Variants in NTMT1 observed in about 807,000 individuals in gnomAD.
NTMT1 encodes the protein N-terminal RCC1 methyltransferase.
Under a neutral mutation model 17.5 loss-of-function variants are expected in NTMT1, and 8 were observed. That is an observed-to-expected ratio of 0.46 (90% confidence interval 0.27 to 0.82). NTMT1 has a LOEUF of 0.82. NTMT1 is among the 40% of genes least tolerant of loss of function. NTMT1 has a pLI of 0.15. For missense variants in NTMT1, 221 were observed against 303.5 expected (o/e 0.73, Z 2.02); for synonymous variants, 128 against 126.8 (o/e 1.01, Z -0.06).
intron 1 of NTMT1, among the ~76,000 whole-genome samples, chr9:129,627,882 A>C (rs1421777505): frequency 1.3e-5 from 2 of 152,202 alleles, no homozygotes; most frequent in Non-Finnish European, 2.9e-5. Context: ...TGACTGCAAA[A>C]GTCTGCCGGT....
rs1831278260 is a variant in NTMT1, at chr9:129,633,202, A to G, written c.162+337A>G. On this transcript the variant is annotated intron_variant, in intron 2 of 3. Transcript: ENST00000372483. ...GGTGTTTGGACTGAGGGTGTTGGCT[A>G]TTCTGGACGAAGACTCCTAGTTATG... The G allele has an allele frequency of 7.2e-6, 3 of 416,094 alleles. No individual in the cohort carries two copies. The Admixed American group carries it at 1.3e-4, about 17-fold the overall frequency. 25.8% of individuals were successfully genotyped at this position (416,094 alleles called of 1,614,324 possible).
intron 1 of NTMT1, among the ~76,000 whole-genome samples, chr9:129,630,690 G>A (rs1831117064): frequency 6.6e-6 from 1 of 152,316 alleles, no homozygotes; most frequent in African/African-American, 2.4e-5. Flanking sequence ...TTGGACCTAC[G>A]ATTTGTCAAC....
At chr9:129,619,616 T>A in intron 1 of NTMT1, 1 of 1,614,066 alleles carries the variant, frequency 6.2e-7, no homozygotes, top group Non-Finnish European at 8.5e-7. Flanking sequence ...AAGACTATCC[T>A]GGAGGTGCGA....
chr9:129,620,495 C>A lies in NTMT1; in HGVS notation c.-55+11317C>A. The A allele has an allele frequency of 1.4e-6, 2 of 1,416,100 alleles. No homozygotes were observed. Among genetic ancestry groups the A allele is most frequent in the Non-Finnish European group, 1.8e-6 (2 of 1,082,142 alleles). The allele number at this position is 1,416,100 out of a possible 1,614,324, so 87.7% of individuals were successfully genotyped here. A position where few individuals can be genotyped will look rare whatever the true frequency, so the allele number is the denominator to read the frequency against. The stretch of plus-strand genomic sequence containing the variant: ...CAGCTTGGGCAGCCGCGGGTCGCTG[C>A]TGCGTCGGAAGTCTCCGTCGCCAGG... On this transcript the variant is annotated intron_variant, in intron 1 of 3. Coordinates refer to the NTMT1 transcript ENST00000372486. The surrounding 1 kb of genome is among the most constrained non-coding windows in gnomAD (Gnocchi z 5.8).
In NTMT1 at chr9:129,626,260, ATCT is replaced by A. The variant is rs1278644166; in HGVS notation, c.-83_-81del. The A allele has an allele frequency of 6.6e-6, 1 of 151,832 alleles. No individual in the cohort carries two copies. The highest frequency in any genetic ancestry group is 1.5e-5 in the Non-Finnish European group (1 of 67,982). 9.4% of individuals were successfully genotyped at this position (151,832 alleles called of 1,614,324 possible). The stretch of plus-strand genomic sequence containing the variant: ...CCGCCGCCCTCCCTTCCTCTTCCCC[ATCT>A]TCTTCTCTCGGTCCCGGGAGCCCCC... On this transcript the variant is annotated 5_prime_UTR_variant, in exon 1 of 4. Transcript: ENST00000372483.
chr9:129,618,869 T>TG (rs896061034), intron 1 of NTMT1, among the ~76,000 whole-genome samples: 1 of 8,084 alleles, frequency 1.2e-4, no homozygotes, highest in African/African-American at 6.2e-4. Context: ...ATTTTTTGTG[T>TG]TTTTTTTTTT....
chr9:129,620,623 G>T lies in NTMT1; in HGVS notation c.-55+11445G>T. 7.7e-7 allele frequency: 1 copy of T among 1,291,372 alleles called. No individual in the cohort carries two copies. The highest frequency in any genetic ancestry group is 9.8e-7 in the Non-Finnish European group (1 of 1,019,308). The allele number at this position is 1,291,372 out of a possible 1,614,324, so 80.0% of individuals were successfully genotyped here. On this transcript the variant is annotated intron_variant, in intron 1 of 3. Transcript: ENST00000372486. This position sits in a 1 kb window ranked among gnomAD's most constrained non-coding sequence, Gnocchi z 5.8. ...CGCACCCTCAGCGCGCGTGGGTGGGGGGCGCCGGCTGAGGTGGGGAGGGCA... is the reference window on the plus strand; with the variant it reads ...CGCACCCTCAGCGCGCGTGGGTGGGTGGCGCCGGCTGAGGTGGGGAGGGCA...
chr9:129,628,136 G>C (rs374636658), intron 1 of NTMT1, among the ~76,000 whole-genome samples: 1 of 152,190 alleles, frequency 6.6e-6, no homozygotes, highest in Non-Finnish European at 1.5e-5. Context: ...AGCCACATAC[G>C]GCATCTGTGC....
chr9:129,635,574 A>T lies in NTMT1; in HGVS notation c.*110A>T. 1 of 1,290,180 alleles carries T rather than the reference A, an allele frequency of 7.8e-7. No homozygotes were observed. Among genetic ancestry groups the T allele is most frequent in the Non-Finnish European group, 1.1e-6 (1 of 934,538 alleles). 79.9% of individuals were successfully genotyped at this position (1,290,180 alleles called of 1,614,324 possible). The stretch of plus-strand genomic sequence containing the variant: ...GGTTCGTGAGTGTCGAGGCACCACT[A>T]AATATAGCTGTCTGCCGTCCACTCA... On this transcript the variant is annotated 3_prime_UTR_variant, in exon 4 of 4. Transcript: ENST00000372483.
intron 1 of NTMT1, among the ~76,000 whole-genome samples, chr9:129,631,668 GAC>G (rs1393036230): frequency 5.3e-5 from 8 of 152,218 alleles, no homozygotes; most frequent in Non-Finnish European, 1.0e-4. Flanking sequence ...TTGACTGTGA[GAC>G]CAGGAACTGG....
intron 1 of NTMT1, among the ~76,000 whole-genome samples, chr9:129,632,160 G>C (rs1208736107): frequency 9.2e-5 from 14 of 151,726 alleles, no homozygotes; most frequent in Admixed American, 9.2e-4. Flanking sequence ...TCAAGAACTT[G>C]AAGCCAGGCC....
chr9:129,635,247 G>A lies in NTMT1; in HGVS notation c.455G>A (p.Arg152His), dbSNP rs1394370087. Residue 152 changes from arginine (R) to histidine (H), a missense_variant, in exon 4 of 4, where the codon CGC becomes CAC. By Grantham distance (29) the Arg-to-His change is conservative. Coordinates refer to ENST00000372483, the MANE Select transcript of NTMT1 (RefSeq NM_014064.4). ...CAGCACCTGGCCGAGTTCCTGCGGCGCTGCAAGGGCAGCCTCCGCCCCAAC... is the reference window on the plus strand; with the variant it reads ...CAGCACCTGGCCGAGTTCCTGCGGCACTGCAAGGGCAGCCTCCGCCCCAAC... ...TDQHLAEFLRRCKGSLRPNGI... is the reference protein window; with the variant it reads ...TDQHLAEFLRHCKGSLRPNGI... The A allele has an allele frequency of 3.1e-6, 5 of 1,612,650 alleles. No individual in the cohort carries two copies. Among genetic ancestry groups the A allele is most frequent in the East Asian group, 2.2e-5 (1 of 44,880 alleles).
At chr9:129,624,658 T>C (rs1309903858), upstream of NTMT1, among the ~76,000 whole-genome samples, 1 of 152,192 alleles carries the variant, frequency 6.6e-6, no homozygotes, top group African/African-American at 2.4e-5. Context: ...AGACAGAGTT[T>C]CGTTCTTGTC....
chr9:129,630,402 C>G (rs1329960729), intron 1 of NTMT1, among the ~76,000 whole-genome samples: 1 of 152,094 alleles, frequency 6.6e-6, no homozygotes, highest in Non-Finnish European at 1.5e-5. Context: ...GAGCTGTACT[C>G]AAGTCTGGCG....
At chr9:129,616,207 G>T (rs1460046991) in intron 1 of NTMT1, among the ~76,000 whole-genome samples, 1 of 152,110 alleles carries the variant, frequency 6.6e-6, no homozygotes, top group Non-Finnish European at 1.5e-5. Flanking sequence ...CTAACAGGGA[G>T]CTGTTTTTTG....
At chr9:129,630,216 TA>T (rs951380419) in intron 1 of NTMT1, among the ~76,000 whole-genome samples, 18 of 152,184 alleles carry the variant, frequency 1.2e-4, no homozygotes, top group Admixed American at 5.2e-4. Context: ...TTTCTGCCTG[TA>T]ATCCCAACAC....
At chr9:129,623,387 C>G (rs1207769544), upstream of NTMT1, among the ~76,000 whole-genome samples, 1 of 151,160 alleles carries the variant, frequency 6.6e-6, no homozygotes, top group Non-Finnish European at 1.5e-5. Flanking sequence ...ATTAACAGAC[C>G]CACTTTCAAG....
chr9:129,627,924 C>T (rs1464842170), intron 1 of NTMT1, among the ~76,000 whole-genome samples: 2 of 152,146 alleles, frequency 1.3e-5, no homozygotes, highest in African/African-American at 2.4e-5. Flanking sequence ...TTCCATGGGT[C>T]GTGGGAGAAG....
At chr9:129,628,548 TTA>T (rs1335406476) in intron 1 of NTMT1, 1 of 152,244 alleles carries the variant, frequency 6.6e-6, no homozygotes, top group Admixed American at 6.5e-5. Flanking sequence ...TAGGATTTTC[TTA>T]GAGTGGAAAA....
Sources: gnomAD v4.1 joint callset for allele counts (sites outside exome capture counted in the v4.1 genomes callset) on GRCh38, gnomAD v4.1.1 for gene constraint, Gnocchi (gnomAD v3.1) non-coding constraint, MANE v1.5 for transcripts, NCBI Gene and HGNC (gene_info 2026-07-23, HGNC 2026-07-21) for gene names.